The following EVI5 variants were observed in gnomAD, a reference collection of about 807,000 sequenced individuals.
EVI5 encodes ecotropic viral integration site 5 protein homolog.
A neutral mutation model predicts 112.0 loss-of-function variants in EVI5; 73 were observed. The ratio of observed to expected loss-of-function variants is 0.65; its 90% CI spans 0.54 to 0.79. The LOEUF (loss-of-function observed/expected upper bound fraction) is 0.79. Ranked by LOEUF, EVI5 falls within the 30% of genes least tolerant of loss-of-function variation. The probability of loss-of-function intolerance (pLI) is 0.00; values close to 1 mark genes in which losing one functional copy is unlikely to be tolerated. For missense variants in EVI5, 900 were observed against 968.8 expected (o/e 0.93, Z 0.94); for synonymous variants, 305 against 319.9 (o/e 0.95, Z 0.50).
At chr1:92,733,161 G>A in intron 2 of EVI5, 1 of 226,974 alleles carries the variant, frequency 4.4e-6, no homozygotes. Context: ...AACCTGGATT[G>A]CTAAATTGGA....
At chr1:92,723,478 T>C (rs1570595618) in intron 2 of EVI5, among the ~76,000 whole-genome samples, 1 of 152,188 alleles carries the variant, frequency 6.6e-6, no homozygotes, top group East Asian at 1.9e-4. Context: ...CTGCAATCTC[T>C]GAACATAAAT....
chr1:92,613,396 T>C (rs1477333037), intron 16 of EVI5, among the ~76,000 whole-genome samples: 2 of 152,178 alleles, frequency 1.3e-5, no homozygotes, highest in Admixed American at 1.3e-4. Flanking sequence ...CCTCCCAGGT[T>C]CAAGTGATTC....
intron 19 of EVI5, among the ~76,000 whole-genome samples, chr1:92,535,308 T>C (rs1663673950): frequency 1.3e-5 from 2 of 152,172 alleles, no homozygotes; most frequent in Non-Finnish European, 2.9e-5. Context: ...ACACTGTTGG[T>C]GGGAGTGTAA....
intron 19 of EVI5, among the ~76,000 whole-genome samples, chr1:92,517,706 T>C (rs577235304): frequency 2.6e-5 from 4 of 152,248 alleles, no homozygotes; most frequent in African/African-American, 7.2e-5. Flanking sequence ...TCTTGTGGTA[T>C]AGAGGTAGGG....
intron 18 of EVI5, among the ~76,000 whole-genome samples, chr1:92,582,434 CTT>C (rs1220983293): frequency 6.6e-6 from 1 of 152,060 alleles, no homozygotes; most frequent in Non-Finnish European, 1.5e-5. Flanking sequence ...CAGGCAGTGA[CTT>C]ATATCTAGGC....
At chr1:92,547,673 C>T (rs1400128263) in intron 19 of EVI5, among the ~76,000 whole-genome samples, 3 of 152,072 alleles carry the variant, frequency 2.0e-5, no homozygotes, top group South Asian at 2.1e-4. Context: ...ATATCACCAC[C>T]GATCCCACAT....
intron 1 of EVI5, among the ~76,000 whole-genome samples, chr1:92,751,861 A>C (rs1043473404): frequency 3.9e-5 from 6 of 151,946 alleles, no homozygotes; most frequent in Non-Finnish European, 7.4e-5. Context: ...AAAACACAAA[A>C]AATTAGCCGG....
intron 16 of EVI5, among the ~76,000 whole-genome samples, chr1:92,611,801 T>C (rs1651884957): frequency 6.6e-6 from 1 of 151,234 alleles, no homozygotes. Context: ...CCCAGCTACT[T>C]GGGAGGCTGG....
Position 92,511,296 on chromosome 1 carries a change from A to T in EVI5, c.*2360T>A, listed in dbSNP as rs534995352. 23 of 152,126 alleles carry T rather than the reference A, an allele frequency of 1.5e-4. No homozygotes were observed. Among genetic ancestry groups the T allele is most frequent in the African/African-American group, 5.5e-4 (23 of 41,462 alleles). The allele number at this position is 152,126 out of a possible 1,614,324, so 9.4% of individuals were successfully genotyped here. On this transcript the variant is annotated 3_prime_UTR_variant, in exon 20 of 20. Coordinates refer to ENST00000684568, the MANE Select transcript of EVI5 (RefSeq NM_001350197.2). Reference sequence around the variant, plus strand: ...AAACCCCATCTCTACTAAAAATACAAAAATTAGCCAGTTGTGGTGGCGTGC... The same window carrying T: ...AAACCCCATCTCTACTAAAAATACATAAATTAGCCAGTTGTGGTGGCGTGC...
chr1:92,551,486 A>C (rs1359766487), intron 19 of EVI5, among the ~76,000 whole-genome samples: 1 of 152,190 alleles, frequency 6.6e-6, no homozygotes, highest in African/African-American at 2.4e-5. Context: ...TCAAGCCCTA[A>C]AACCAGAGTA....
intron 6 of EVI5, among the ~76,000 whole-genome samples, chr1:92,697,648 T>C (rs1219654490): frequency 6.6e-6 from 1 of 152,158 alleles, no homozygotes; most frequent in East Asian, 1.9e-4. Context: ...AAGGATTGAA[T>C]ATGAAAACTG....
At chr1:92,584,154 C>CA (rs1672406959) in intron 18 of EVI5, among the ~76,000 whole-genome samples, 1 of 152,050 alleles carries the variant, frequency 6.6e-6, no homozygotes, top group Non-Finnish European at 1.5e-5. Context: ...CAAAAAGAGA[C>CA]ACGGTGGTAC....
Position 92,694,379 on chromosome 1 carries a change from T to G in EVI5, c.919A>C (p.Ile307Leu), listed in dbSNP as rs1455996480. The G allele has an allele frequency of 6.3e-7, 1 of 1,586,810 alleles. No homozygotes were observed. Among genetic ancestry groups the G allele is most frequent in the Non-Finnish European group, 8.6e-7 (1 of 1,161,490 alleles). The change falls in exon 8 of 20, where the codon ATA becomes CTA. Residue 307 changes from isoleucine to leucine, a missense_variant. By Grantham distance (5) the Ile-to-Leu change is conservative (BLOSUM62 2). Coordinates refer to ENST00000684568, the MANE Select transcript of EVI5 (RefSeq NM_001350197.2). ...FDIFMSEGLE[I>L]VFRVGLALLQ... ...AGTGCTAATCCTACACGAAACACTA[T>G]TTCTAAACCCTGAGGAAACAAATTA...
chr1:92,663,444 A>G lies in EVI5; in HGVS notation c.1221T>C (p.Ala407=), dbSNP rs1664364215. The change falls in exon 12 of 20, where the codon GCT becomes GCC. Residue 407 remains alanine, a synonymous_variant. Transcript: ENST00000684568. ...CCTGTATCAATCTATCTGCCAAGGAAGCACTTTCCTACAAAAGGAAAAATT... is the reference window on the plus strand; with the variant it reads ...CCTGTATCAATCTATCTGCCAAGGAGGCACTTTCCTACAAAAGGAAAAATT... The part of the protein sequence containing the change: ...QRIETLEKES[A]SLADRLIQGQ... 3 of 1,421,338 alleles carry G rather than the reference A, an allele frequency of 2.1e-6. No individual in the cohort carries two copies. Among genetic ancestry groups the G allele is most frequent in the Non-Finnish European group, 9.4e-7 (1 of 1,064,020 alleles). 88.0% of individuals were successfully genotyped at this position (1,421,338 alleles called of 1,614,324 possible). A position where few individuals can be genotyped will look rare whatever the true frequency, so the allele number is the denominator to read the frequency against.
Position 92,510,096 on chromosome 1 carries a change from G to C in EVI5, c.*3560C>G, listed in dbSNP as rs866341611. On this transcript the variant is annotated 3_prime_UTR_variant, in exon 20 of 20. Coordinates refer to ENST00000684568, the MANE Select transcript of EVI5 (RefSeq NM_001350197.2). ...ATTTGAATCAGATCTTCAAAGAAAA[G>C]AGTGTTATTTCTAGTTTTTTGTTGT... The C allele has an allele frequency of 6.6e-6, 1 of 152,180 alleles. No homozygotes were observed. The highest frequency in any genetic ancestry group is 1.5e-5 in the Non-Finnish European group (1 of 68,024). 9.4% of individuals were successfully genotyped at this position (152,180 alleles called of 1,614,324 possible). A position where few individuals can be genotyped will look rare whatever the true frequency, so the allele number is the denominator to read the frequency against.
chr1:92,532,213 T>C (rs971027427), intron 19 of EVI5, among the ~76,000 whole-genome samples: 1 of 152,096 alleles, frequency 6.6e-6, no homozygotes, highest in African/African-American at 2.4e-5. Context: ...GGTAAAGGGA[T>C]CAATTCAACA....
intron 1 of EVI5, among the ~76,000 whole-genome samples, chr1:92,782,740 G>A (rs764187249): frequency 2.0e-5 from 3 of 152,094 alleles, no homozygotes; most frequent in African/African-American, 7.2e-5. Context: ...CCACTCCTAC[G>A]TACATACTCC....
At chr1:92,745,586 G>A (rs984986472) in intron 1 of EVI5, among the ~76,000 whole-genome samples, 3 of 152,160 alleles carry the variant, frequency 2.0e-5, no homozygotes, top group African/African-American at 4.8e-5. Context: ...GGCAGAGGCA[G>A]GAGGATCACT....
At position 92,734,085 on chromosome 1, in the gene EVI5, C is replaced by G. The variant is rs145115167; in HGVS notation, c.149+2313G>C. Among the ~76,000 whole-genome samples the G allele has an allele frequency of 6.6e-5, 10 of 152,324 alleles. No individual in the cohort carries two copies. In the South Asian group the frequency reaches 2.1e-3, roughly 32 times the overall value. On this transcript the variant is annotated intron_variant, in intron 2 of 19. Coordinates refer to ENST00000684568, the MANE Select transcript of EVI5 (RefSeq NM_001350197.2). ...CGGAAAGTATAGCCTCGCTGTCTACCTACATCATGATGTATAAATTGATGT... is the reference window on the plus strand; with the variant it reads ...CGGAAAGTATAGCCTCGCTGTCTACGTACATCATGATGTATAAATTGATGT...
Sources: allele counts gnomAD v4.1 joint callset (sites outside exome capture counted in the v4.1 genomes callset), GRCh38; gene constraint gnomAD v4.1.1; transcripts MANE v1.5; gene names NCBI Gene and HGNC (gene_info 2026-07-23, HGNC 2026-07-21).